ROBO2: variants seen among roughly 807,000 people sequenced by gnomAD.
ROBO2 encodes the protein roundabout homolog 2.
In ROBO2, 53 loss-of-function variants were observed where a neutral mutation model predicts 160.8. The observed-to-expected ratio is 0.33, with a 90% confidence interval of 0.26 to 0.41. ROBO2 has a LOEUF of 0.41. Ranked by LOEUF, ROBO2 falls within the 10% of genes least tolerant of loss-of-function variation. ROBO2 has a pLI of 1.00. For synonymous variants in ROBO2, 664 were observed against 611.7 expected (o/e 1.09, Z -1.26); for missense variants, 1,577 against 1,722.4 (o/e 0.92, Z 1.49).
intron 2 of ROBO2, among the ~76,000 whole-genome samples, chr3:76,450,696 GCATTC>G: frequency 6.6e-6 from 1 of 152,028 alleles, no homozygotes; most frequent in Non-Finnish European, 1.5e-5. Flanking sequence ...AGTATTTCTT[GCATTC>G]AATGTTGAGT....
At chr3:77,426,767 A>G (rs1417492575) in intron 2 of ROBO2, among the ~76,000 whole-genome samples, 1 of 152,094 alleles carries the variant, frequency 6.6e-6, no homozygotes, top group Non-Finnish European at 1.5e-5. Context: ...CCCATGTTCA[A>G]TTCAACCTTA....
chr3:76,904,344 A>G (rs540915950), intron 2 of ROBO2, among the ~76,000 whole-genome samples: 19 of 152,290 alleles, frequency 1.2e-4, no homozygotes, highest in Middle Eastern at 3.4e-3. Context: ...GCTGTTCTTC[A>G]GATTGTCTTT....
intron 2 of ROBO2, among the ~76,000 whole-genome samples, chr3:76,281,638 TAAAAA>T (rs5850245): frequency 6.6e-6 from 1 of 150,938 alleles, no homozygotes; most frequent in African/African-American, 2.4e-5. Context: ...TGCTGGGAAA[TAAAAA>T]AAAAAATTCT....
intron 8 of ROBO2, among the ~76,000 whole-genome samples, chr3:77,554,628 A>C (rs1172447725): frequency 1.3e-5 from 2 of 152,002 alleles, no homozygotes; most frequent in Non-Finnish European, 2.9e-5. Flanking sequence ...TCCAGACTTC[A>C]GTAGAGGAAG....
At position 77,355,862 on chromosome 3, in the gene ROBO2, T is replaced by A. The variant is rs150421676; in HGVS notation, c.389-121552T>A. 5.3e-3 allele frequency among the ~76,000 whole-genome samples: 801 copies of A among 150,682 alleles called. 8 individuals carry two copies. Among genetic ancestry groups the A allele is most frequent in the African/African-American group, 0.019 (766 of 40,998 alleles). Reference sequence around the variant, plus strand: ...CAGGGAGAAACATTAATAGCATATATAACCAAGTATTGATGTACACACTGT... The same window carrying A: ...CAGGGAGAAACATTAATAGCATATAAAACCAAGTATTGATGTACACACTGT... On this transcript the variant is annotated intron_variant, in intron 2 of 25. Coordinates refer to ENST00000461745, the Ensembl canonical transcript of ROBO2.
At chr3:77,256,913 A>G (rs1316446024) in intron 2 of ROBO2, among the ~76,000 whole-genome samples, 2 of 152,168 alleles carry the variant, frequency 1.3e-5, no homozygotes, top group African/African-American at 4.8e-5. Context: ...GAAAGCCCTC[A>G]TTGCAACTCA....
intron 2 of ROBO2, among the ~76,000 whole-genome samples, chr3:76,933,823 A>T (rs1033016359): frequency 6.6e-6 from 1 of 152,208 alleles, no homozygotes; most frequent in Non-Finnish European, 1.5e-5. Flanking sequence ...AATTATAGTG[A>T]TTATTATAAC....
chr3:76,101,239 A>G (rs1317209571), intron 2 of ROBO2, among the ~76,000 whole-genome samples: 1 of 152,204 alleles, frequency 6.6e-6, no homozygotes, highest in East Asian at 1.9e-4. Flanking sequence ...GGATATAGGT[A>G]TAATGTTAAT....
At chr3:76,851,315 G>A (rs2069321946) in intron 2 of ROBO2, among the ~76,000 whole-genome samples, 1 of 152,174 alleles carries the variant, frequency 6.6e-6, no homozygotes, top group South Asian at 2.1e-4. Context: ...TACTGTATTG[G>A]ACAGAACAAT....
intron 2 of ROBO2, among the ~76,000 whole-genome samples, chr3:76,325,710 C>A (rs1576439746): frequency 6.7e-6 from 1 of 149,144 alleles, no homozygotes; most frequent in East Asian, 1.9e-4. Context: ...GAATAAAAGG[C>A]CAAATTAAAA....
intron 2 of ROBO2, among the ~76,000 whole-genome samples, chr3:76,725,848 G>C (rs1008545146): frequency 2.6e-5 from 4 of 152,066 alleles, no homozygotes; most frequent in African/African-American, 9.7e-5. Flanking sequence ...ATGAGCCTTC[G>C]GAATCTTTCT....
At chr3:77,612,729 G>A (rs1208144887) in intron 21 of ROBO2, among the ~76,000 whole-genome samples, 1 of 152,064 alleles carries the variant, frequency 6.6e-6, no homozygotes, top group Non-Finnish European at 1.5e-5. Flanking sequence ...GGCAGATCAC[G>A]AGGTTAGGAG....
intron 2 of ROBO2, among the ~76,000 whole-genome samples, chr3:77,125,644 A>G (rs554287809): frequency 6.6e-6 from 1 of 152,324 alleles, no homozygotes; most frequent in Admixed American, 6.5e-5. Flanking sequence ...TAAACTTTTC[A>G]GCATGAGGAA....
At chr3:75,999,449 C>G (rs1244787064) in intron 2 of ROBO2, among the ~76,000 whole-genome samples, 4 of 152,020 alleles carry the variant, frequency 2.6e-5, no homozygotes, top group Non-Finnish European at 5.9e-5. Context: ...AACTTTAAGA[C>G]AATTTTTTGC....
intron 2 of ROBO2, among the ~76,000 whole-genome samples, chr3:77,446,839 A>G (rs1162284743): frequency 6.6e-6 from 1 of 152,122 alleles, no homozygotes; most frequent in Non-Finnish European, 1.5e-5. Flanking sequence ...AGAATTTTAC[A>G]TGGGAAAAGC....
At chr3:76,888,327 C>A (rs1577271559) in intron 2 of ROBO2, among the ~76,000 whole-genome samples, 1 of 152,110 alleles carries the variant, frequency 6.6e-6, no homozygotes, top group East Asian at 1.9e-4. Flanking sequence ...GAAATCACGG[C>A]CCTGCACTCC....
At chr3:77,487,094 T>C (rs2085456982) in intron 4 of ROBO2, among the ~76,000 whole-genome samples, 1 of 152,102 alleles carries the variant, frequency 6.6e-6, no homozygotes, top group Non-Finnish European at 1.5e-5. Flanking sequence ...TAATAGTTGA[T>C]ACCATGAGAG....
intron 2 of ROBO2, among the ~76,000 whole-genome samples, chr3:77,103,182 C>G (rs1227604817): frequency 6.6e-6 from 1 of 152,154 alleles, no homozygotes; most frequent in Non-Finnish European, 1.5e-5. Context: ...AGCTGTAGCC[C>G]CAGGTGGCAA....
At chr3:77,562,712 G>A (rs1445731295) in exon 10 of ROBO2, 3 of 1,612,526 alleles carry the variant, frequency 1.9e-6, no homozygotes, top group Non-Finnish European at 1.7e-6. Context: ...ACTTCCTGGA[G>A]TGCAGTGCTG....
Sources: allele counts gnomAD v4.1 joint callset (sites outside exome capture counted in the v4.1 genomes callset), GRCh38; gene constraint gnomAD v4.1.1; transcripts MANE v1.5; gene names NCBI Gene and HGNC (gene_info 2026-07-23, HGNC 2026-07-21).